The following DLG2 variants were observed in gnomAD, a reference collection of about 807,000 sequenced individuals.
DLG2 encodes disks large homolog 2.
DLG2 carries 45 observed loss-of-function variants against 132.5 expected under a neutral mutation model. The ratio of observed to expected loss-of-function variants is 0.34; its 90% CI spans 0.27 to 0.44. The LOEUF (loss-of-function observed/expected upper bound fraction) is 0.44. DLG2 is among the 20% of genes least tolerant of loss of function. DLG2 has a pLI of 1.00. For synonymous variants in DLG2, 424 were observed against 419.6 expected (o/e 1.01, Z -0.13); for missense variants, 1,045 against 1,196.9 (o/e 0.87, Z 1.87).
intron 6 of DLG2, among the ~76,000 whole-genome samples, chr11:84,785,717 C>T (rs11820238): frequency 3.9e-5 from 6 of 151,934 alleles, no homozygotes. Flanking sequence ...TAAATAATAT[C>T]TTTATGAAAT....
At chr11:84,587,529 G>A (rs750986825) in intron 6 of DLG2, among the ~76,000 whole-genome samples, 5 of 151,962 alleles carry the variant, frequency 3.3e-5, no homozygotes, top group Non-Finnish European at 5.9e-5. Flanking sequence ...TCTCATGAAC[G>A]TTTATTTTCA....
At chr11:84,446,277 C>T (rs1473193783) in intron 7 of DLG2, among the ~76,000 whole-genome samples, 4 of 151,162 alleles carry the variant, frequency 2.6e-5, no homozygotes, top group Non-Finnish European at 5.9e-5. Flanking sequence ...TATGATTTTT[C>T]TTCCTTTATC....
intron 7 of DLG2, among the ~76,000 whole-genome samples, chr11:84,347,940 C>T (rs982430579): frequency 6.6e-6 from 1 of 152,144 alleles, no homozygotes; most frequent in African/African-American, 2.4e-5. Context: ...CCCATTCTGA[C>T]AATTTGTGAT....
At position 83,720,362 on chromosome 11, in the gene DLG2, G is replaced by C. The variant is rs1287228419; in HGVS notation, c.1825+66328C>G. Among the ~76,000 whole-genome samples the C allele has an allele frequency of 2.2e-5, 3 of 135,104 alleles. No homozygotes were observed. In the Admixed American group the frequency reaches 2.4e-4, roughly 11 times the overall value. 88.6% of individuals were successfully genotyped at this position (135,104 alleles called of 152,430 possible). On this transcript the variant is annotated intron_variant, in intron 18 of 27. Coordinates refer to ENST00000376104, the MANE Select transcript of DLG2 (RefSeq NM_001142699.3). ...CACTTAAGTTATGTAAGTTATGCCT[G>C]AGAAGCTAAAACCATTTCTGTTTCT...
chr11:84,083,824 C>G (rs2096936723), intron 10 of DLG2, among the ~76,000 whole-genome samples: 1 of 152,052 alleles, frequency 6.6e-6, no homozygotes, highest in South Asian at 2.1e-4. Flanking sequence ...AAATGAATAT[C>G]TATTTATTTT....
At chr11:84,078,712 T>C (rs1334086521) in intron 10 of DLG2, among the ~76,000 whole-genome samples, 4 of 152,194 alleles carry the variant, frequency 2.6e-5, no homozygotes, top group African/African-American at 9.7e-5. Flanking sequence ...TGCTCTAACC[T>C]ACATTAAAAG....
intron 4 of DLG2, among the ~76,000 whole-genome samples, chr11:85,202,193 T>C (rs1022728466): frequency 1.3e-5 from 2 of 150,268 alleles, no homozygotes; most frequent in African/African-American, 4.9e-5. Context: ...AATATAAATA[T>C]TCAGGTACAG....
intron 3 of DLG2, among the ~76,000 whole-genome samples, chr11:85,575,345 G>A (rs570861977): frequency 2.0e-5 from 3 of 151,692 alleles, no homozygotes; most frequent in Non-Finnish European, 4.4e-5. Flanking sequence ...ACACTAGCCT[G>A]GGCAACATAG....
At position 84,036,493 on chromosome 11, in the gene DLG2, G is replaced by A. The variant is rs533512397; in HGVS notation, c.919+22822C>T. 6.7e-4 allele frequency among the ~76,000 whole-genome samples: 102 copies of A among 152,062 alleles called. 1 individual carries two copies. The highest frequency in any genetic ancestry group is 2.4e-3 in the African/African-American group (99 of 41,510). ...GTCCCATCTCAATTCCATTACTAAC[G>A]TTTTTAACTCAAAGGCATCATGAAT... On this transcript the variant is annotated intron_variant, in intron 11 of 27. Transcript: ENST00000376104.
chr11:84,530,785 A>T (rs1305387869), intron 7 of DLG2, among the ~76,000 whole-genome samples: 2 of 152,242 alleles, frequency 1.3e-5, no homozygotes. Flanking sequence ...ATATACTCAA[A>T]GGAATATAAA....
At chr11:84,119,444 T>A (rs2093798084) in intron 9 of DLG2, among the ~76,000 whole-genome samples, 1 of 151,028 alleles carries the variant, frequency 6.6e-6, no homozygotes, top group Non-Finnish European at 1.5e-5. Context: ...ATGAATTTCA[T>A]ATATGTTATA....
At chr11:83,948,930 A>T (rs960870038) in intron 14 of DLG2, among the ~76,000 whole-genome samples, 3 of 152,218 alleles carry the variant, frequency 2.0e-5, no homozygotes, top group Non-Finnish European at 4.4e-5. Flanking sequence ...GCTTCTGCTT[A>T]CTCATGCATA....
At chr11:84,164,203 T>C (rs190301202) in intron 8 of DLG2, among the ~76,000 whole-genome samples, 1 of 152,328 alleles carries the variant, frequency 6.6e-6, no homozygotes, top group East Asian at 1.9e-4. Context: ...ACATTTTAAA[T>C]ACAGCCAGGC....
chr11:84,643,918 C>T (rs1318914530), intron 6 of DLG2, among the ~76,000 whole-genome samples: 2 of 152,132 alleles, frequency 1.3e-5, no homozygotes, highest in East Asian at 1.9e-4. Context: ...TATATGTTAC[C>T]TCTGATCCTT....
At chr11:85,188,344 T>C (rs540378352) in intron 4 of DLG2, among the ~76,000 whole-genome samples, 7 of 152,218 alleles carry the variant, frequency 4.6e-5, no homozygotes, top group Middle Eastern at 3.4e-3. Context: ...ATTACATAGA[T>C]TGAATGCAGG....
chr11:83,657,826 C>T (rs1343603376), intron 18 of DLG2, among the ~76,000 whole-genome samples: 3 of 152,194 alleles, frequency 2.0e-5, no homozygotes, highest in Admixed American at 1.3e-4. Flanking sequence ...AGGCGTGAGC[C>T]ACCGCGCCCA....
At chr11:84,449,690 T>G (rs1039757601) in intron 7 of DLG2, among the ~76,000 whole-genome samples, 3 of 151,910 alleles carry the variant, frequency 2.0e-5, no homozygotes, top group African/African-American at 7.2e-5. Context: ...CATACTATCT[T>G]TATTGTTGTT....
chr11:85,315,679 A>G (rs1163841680), intron 3 of DLG2, among the ~76,000 whole-genome samples: 1 of 152,058 alleles, frequency 6.6e-6, no homozygotes, highest in Non-Finnish European at 1.5e-5. Context: ...GGCAGCTCTC[A>G]TGCTTCTTTA....
intron 6 of DLG2, among the ~76,000 whole-genome samples, chr11:84,755,255 T>G (rs577223116): frequency 6.6e-6 from 1 of 152,332 alleles, no homozygotes; most frequent in Admixed American, 6.5e-5. Flanking sequence ...GCACAGAACT[T>G]GGTACCAATA....
Sources: gnomAD v4.1 joint callset for allele counts (sites outside exome capture counted in the v4.1 genomes callset) on GRCh38, gnomAD v4.1.1 for gene constraint, MANE v1.5 for transcripts, NCBI Gene and HGNC (gene_info 2026-07-23, HGNC 2026-07-21) for gene names.